Variants in ZBTB49 observed in about 807,000 individuals in gnomAD.
ZBTB49 encodes the protein zinc finger and BTB domain containing 49.
Under a neutral mutation model 57.5 loss-of-function variants are expected in ZBTB49, and 43 were observed. The observed-to-expected ratio is 0.75, with a 90% CI of 0.59 to 0.97. The LOEUF (loss-of-function observed/expected upper bound fraction) is 0.97, where lower values mean the gene tolerates loss of function less well. ZBTB49 is among the 50% of genes least tolerant of loss of function. The probability of loss-of-function intolerance (pLI) is 0.00; values close to 1 mark genes in which losing one functional copy is unlikely to be tolerated. For missense variants in ZBTB49, 938 were observed against 947.7 expected (o/e 0.99, Z 0.13); for synonymous variants, 369 against 362.1 (o/e 1.02, Z -0.22).
intron 2 of ZBTB49, 94 bp downstream of exon 2, chr4:4,300,191 C>G (rs1432316190): frequency 1.5e-6 from 2 of 1,353,694 alleles, no homozygotes; most frequent in Non-Finnish European, 2.0e-6. Context: ...TTGGATTTCA[C>G]TATCTTTATC....
At chr4:4,296,626 G>A (rs1183763595) in intron 1 of ZBTB49, among the ~76,000 whole-genome samples, 1 of 152,118 alleles carries the variant, frequency 6.6e-6, no homozygotes, top group African/African-American at 2.4e-5. Flanking sequence ...CCCAGTCTTG[G>A]GTATGTCCTT....
intron 5 of ZBTB49, among the ~76,000 whole-genome samples, chr4:4,315,111 C>T (rs1300400893): frequency 2.6e-5 from 4 of 152,212 alleles, no homozygotes. Context: ...ACTCTGAGCT[C>T]CTGTTTGCAT....
chr4:4,298,918 G>C (rs1265738418), intron 1 of ZBTB49, among the ~76,000 whole-genome samples: 1 of 152,178 alleles, frequency 6.6e-6, no homozygotes, highest in Admixed American at 6.5e-5. Context: ...TCGTGTGTGT[G>C]TTTCCCTCAC....
intron 1 of ZBTB49, among the ~76,000 whole-genome samples, chr4:4,292,312 G>A (rs1207209921): frequency 6.6e-6 from 1 of 152,092 alleles, no homozygotes; most frequent in Non-Finnish European, 1.5e-5. Flanking sequence ...CTGGTACAGT[G>A]CAACGATACT....
rs1223289249 is a variant in ZBTB49 at position 4,303,760 on chromosome 4, C to CTCTCTGTGTGTGTG, written c.1255+670_1255+671insCTCTGTGTGTGTGT. 4.1e-3 allele frequency among the ~76,000 whole-genome samples: 500 copies of CTCTCTGTGTGTGTG among 121,378 alleles called. 7 individuals carry two copies. Among genetic ancestry groups the CTCTCTGTGTGTGTG allele is most frequent in the Middle Eastern group, 0.033 (7 of 214 alleles). The allele number at this position is 121,378 out of a possible 152,430, so 79.6% of individuals were successfully genotyped here. A position where few individuals can be genotyped will look rare whatever the true frequency, so the allele number is the denominator to read the frequency against. On this transcript the variant is annotated intron_variant, in intron 3 of 7. Transcript: ENST00000337872. Reference sequence around the variant, plus strand: ...TCTCTCTCTCTCTCTCTCTCTCTCTCTGTGTGTGTGTCTCTCTCTCTCTCT... The same window carrying CTCTCTGTGTGTGTG: ...TCTCTCTCTCTCTCTCTCTCTCTCTCTCTCTGTGTGTGTGTGTGTGTGTGTCTCTCTCTCTCTCT...
At chr4:4,301,253 A>G (rs1201436127) in intron 2 of ZBTB49, among the ~76,000 whole-genome samples, 2 of 152,232 alleles carry the variant, frequency 1.3e-5, no homozygotes, top group Non-Finnish European at 2.9e-5. Context: ...TATTTCATAC[A>G]TAATACAAAT....
intron 3 of ZBTB49, among the ~76,000 whole-genome samples, chr4:4,305,056 T>C (rs1720678303): frequency 6.6e-6 from 1 of 152,182 alleles, no homozygotes; most frequent in African/African-American, 2.4e-5. Flanking sequence ...CAAATTCTTA[T>C]ATTTCTTATG....
chr4:4,309,787 C>T (rs1377436127), intron 4 of ZBTB49, among the ~76,000 whole-genome samples: 1 of 152,162 alleles, frequency 6.6e-6, no homozygotes, highest in Non-Finnish European at 1.5e-5. Context: ...TGAGCTTGGC[C>T]CAAGCTATTA....
chr4:4,321,399 T>G lies in ZBTB49; in HGVS notation c.*83T>G. The G allele has an allele frequency of 7.2e-7, 1 of 1,395,532 alleles. No individual in the cohort carries two copies. Among genetic ancestry groups the G allele is most frequent in the Non-Finnish European group, 9.8e-7 (1 of 1,018,426 alleles). 86.4% of individuals were successfully genotyped at this position (1,395,532 alleles called of 1,614,324 possible). ...GCTGTAGGAGGACCCAGTTTCCCCA[T>G]GACAGTGCCTTCTAACTAGCCAGAG... On this transcript the variant is annotated 3_prime_UTR_variant, in exon 8 of 8. Coordinates refer to ENST00000337872, the MANE Select transcript of ZBTB49 (RefSeq NM_145291.4).
chr4:4,309,829 C>G (rs989365830), intron 4 of ZBTB49, among the ~76,000 whole-genome samples: 3 of 152,192 alleles, frequency 2.0e-5, no homozygotes, highest in African/African-American at 7.2e-5. Context: ...ATTTGCCACA[C>G]CTTTACCGTT....
At chr4:4,292,779 A>C (rs1720006616) in intron 1 of ZBTB49, among the ~76,000 whole-genome samples, 1 of 152,166 alleles carries the variant, frequency 6.6e-6, no homozygotes, top group African/African-American at 2.4e-5. Context: ...TATTAATGGC[A>C]CTGCTGAAAA....
chr4:4,295,894 A>G (rs2108868487), intron 1 of ZBTB49, among the ~76,000 whole-genome samples: 1 of 152,364 alleles, frequency 6.6e-6, no homozygotes, highest in South Asian at 2.1e-4. Flanking sequence ...TAGAGATTCT[A>G]CATTGAAGGG....
chr4:4,291,630 G>T (rs764763301), intron 1 of ZBTB49, among the ~76,000 whole-genome samples: 4 of 152,216 alleles, frequency 2.6e-5, no homozygotes, highest in Non-Finnish European at 5.9e-5. Flanking sequence ...GCACATATGT[G>T]TACTTCAGTC....
rs1553805028 is a variant in ZBTB49, at chr4:4,303,760, C to CTGTGTGTG, written c.1255+673_1255+680dup. 3.0e-3 allele frequency among the ~76,000 whole-genome samples: 365 copies of CTGTGTGTG among 121,404 alleles called. 3 individuals carry two copies. Among genetic ancestry groups the CTGTGTGTG allele is most frequent in the African/African-American group, 0.011 (343 of 30,124 alleles). 79.6% of individuals were successfully genotyped at this position (121,404 alleles called of 152,430 possible). ...TCTCTCTCTCTCTCTCTCTCTCTCTCTGTGTGTGTGTCTCTCTCTCTCTCT... is the reference window on the plus strand; with the variant it reads ...TCTCTCTCTCTCTCTCTCTCTCTCTCTGTGTGTGTGTGTGTGTGTCTCTCTCTCTCTCT... On this transcript the variant is annotated intron_variant, in intron 3 of 7. Coordinates refer to ENST00000337872, the MANE Select transcript of ZBTB49 (RefSeq NM_145291.4).
At position 4,321,451 on chromosome 4, in the gene ZBTB49, G is replaced by A. The variant is rs1721414255; in HGVS notation, c.*135G>A. On this transcript the variant is annotated 3_prime_UTR_variant, in exon 8 of 8. Coordinates refer to ENST00000337872, the MANE Select transcript of ZBTB49 (RefSeq NM_145291.4). Reference sequence around the variant, plus strand: ...ATAGGTAGCTTCCCTCCTGATGATGGCTCATAATCTGAAGCATCTTGAGCT... The same window carrying A: ...ATAGGTAGCTTCCCTCCTGATGATGACTCATAATCTGAAGCATCTTGAGCT... The A allele has an allele frequency of 1.1e-6, 1 of 947,170 alleles. No individual in the cohort carries two copies. The allele number at this position is 947,170 out of a possible 1,614,324, so 58.7% of individuals were successfully genotyped here.
chr4:4,303,724 T>C (rs1328251601), intron 3 of ZBTB49, among the ~76,000 whole-genome samples: 1 of 86,998 alleles, frequency 1.1e-5, no homozygotes, highest in African/African-American at 4.4e-5. Flanking sequence ...TTTTTTAAGG[T>C]ATTCTCTCTC....
chr4:4,313,283 C>T (rs28458962), intron 5 of ZBTB49, among the ~76,000 whole-genome samples, 169 bp downstream of exon 5: 36,620 of 151,714 alleles, frequency 0.24, 4,915 homozygotes, highest in Admixed American at 0.32. Flanking sequence ...ATGTGACACA[C>T]GAGAGAATAA....
In ZBTB49 at chr4:4,307,668, T is replaced by A. The variant is rs115336034; in HGVS notation, c.1302+1484T>A. On this transcript the variant is annotated intron_variant, in intron 4 of 7. Coordinates refer to ENST00000337872, the MANE Select transcript of ZBTB49 (RefSeq NM_145291.4). Reference sequence around the variant, plus strand: ...CCTCATGACCCCCAGATGCCGGTCTTTCTGAGGCACCTCCCCGCCCCCACC... The same window carrying A: ...CCTCATGACCCCCAGATGCCGGTCTATCTGAGGCACCTCCCCGCCCCCACC... Among the ~76,000 whole-genome samples the A allele has an allele frequency of 5.9e-3, 898 of 152,230 alleles. 12 individuals are homozygous for A. Among genetic ancestry groups the A allele is most frequent in the African/African-American group, 0.021 (857 of 41,516 alleles).
chr4:4,291,618 G>A (rs1719919294), intron 1 of ZBTB49, among the ~76,000 whole-genome samples: 1 of 152,194 alleles, frequency 6.6e-6, no homozygotes, highest in African/African-American at 2.4e-5. Context: ...TTTGTGTTCA[G>A]GGCACATATG....
Sources: allele counts gnomAD v4.1 joint callset (sites outside exome capture counted in the v4.1 genomes callset), GRCh38; gene constraint gnomAD v4.1.1; transcripts MANE v1.5; gene names NCBI Gene and HGNC (gene_info 2026-07-23, HGNC 2026-07-21).